CCDC171: variants seen among roughly 807,000 people sequenced by gnomAD.
The protein encoded by CCDC171 is coiled-coil domain containing 171, also known as coiled-coil domain-containing protein 171.
Under a neutral mutation model 168.2 loss-of-function variants are expected in CCDC171, and 177 were observed. The observed-to-expected ratio is 1.05, with a 90% confidence interval of 0.93 to 1.19. The LOEUF (loss-of-function observed/expected upper bound fraction) is 1.19, where lower values mean the gene tolerates loss of function less well. Ranked by LOEUF, CCDC171 falls within the 50% of genes most tolerant of loss-of-function variation. The pLI, the probability that CCDC171 is intolerant of heterozygous loss-of-function variation, is 0.00. For synonymous variants in CCDC171, 687 were observed against 540.8 expected, an observed-to-expected ratio of 1.27 and a Z score of -3.75; for missense variants, 1,991 against 1,539.0, an observed-to-expected ratio of 1.29 and a Z score of -4.91.
intron 3 of CCDC171, among the ~76,000 whole-genome samples, chr9:15,577,235 A>C (rs2040741873): frequency 6.6e-6 from 1 of 152,164 alleles, no homozygotes. Flanking sequence ...GTCACCATAA[A>C]AACTCGTTTT....
intron 7 of CCDC171, among the ~76,000 whole-genome samples, chr9:15,626,132 A>G (rs1020206459): frequency 6.6e-6 from 1 of 152,160 alleles, no homozygotes; most frequent in Non-Finnish European, 1.5e-5. Flanking sequence ...ATATTGGTGT[A>G]TAAGAATGCT....
At chr9:15,779,448 C>A (rs2135419729) in intron 20 of CCDC171, among the ~76,000 whole-genome samples, 1 of 152,120 alleles carries the variant, frequency 6.6e-6, no homozygotes, top group South Asian at 2.1e-4. Flanking sequence ...CAACCTCTGC[C>A]CCCCGGGTTC....
intron 3 of CCDC171, among the ~76,000 whole-genome samples, chr9:15,988,322 G>T (rs1220305044): frequency 6.6e-6 from 1 of 152,192 alleles, no homozygotes; most frequent in African/African-American, 2.4e-5. Context: ...GGACCAGGAA[G>T]TGAGTCCTCA....
intron 3 of CCDC171, among the ~76,000 whole-genome samples, chr9:16,005,464 G>C (rs1056920055): frequency 6.6e-6 from 1 of 152,158 alleles, no homozygotes. Context: ...TAAACATTCT[G>C]TGCAAGTTTT....
intron 6 of CCDC171, among the ~76,000 whole-genome samples, chr9:15,597,468 A>G (rs1344711812): frequency 6.6e-6 from 1 of 152,052 alleles, no homozygotes; most frequent in Non-Finnish European, 1.5e-5. Flanking sequence ...CATATGTTGA[A>G]CCAGCCTTGC....
chr9:15,708,516 G>A (rs1040491509), intron 11 of CCDC171, among the ~76,000 whole-genome samples: 1 of 152,090 alleles, frequency 6.6e-6, no homozygotes, highest in Non-Finnish European at 1.5e-5. Flanking sequence ...TACTGTGTAG[G>A]TGCTGCTTTC....
intron 21 of CCDC171, among the ~76,000 whole-genome samples, chr9:15,826,645 G>A (rs962358381): frequency 5.9e-5 from 9 of 152,122 alleles, no homozygotes; most frequent in African/African-American, 9.7e-5. Flanking sequence ...AGCTCAGCTA[G>A]GGTCTCTTGC....
rs16933761 is a variant in CCDC171 at position 15,896,676 on chromosome 9, G to C, written c.3600+22013G>C. On this transcript the variant is annotated intron_variant, in intron 24 of 25. Transcript: ENST00000380701. ...TGATACATTTGCTATCCTTATCAAT[G>C]TCACCATTATCACTAAAAAGCCCTT... Among the ~76,000 whole-genome samples the C allele has an allele frequency of 6.7e-4, 102 of 152,064 alleles. No individual in the cohort carries two copies. The East Asian group carries it at 0.019, about 28-fold the overall frequency.
At chr9:15,944,860 C>G (rs896812979) in intron 25 of CCDC171, among the ~76,000 whole-genome samples, 1 of 149,744 alleles carries the variant, frequency 6.7e-6, no homozygotes, top group Non-Finnish European at 1.5e-5. Flanking sequence ...TTCTTTCTTT[C>G]TTTCTTTCTT....
chr9:15,575,349 A>G (rs943590421), intron 3 of CCDC171, among the ~76,000 whole-genome samples: 1 of 151,548 alleles, frequency 6.6e-6, no homozygotes. Flanking sequence ...AATTTTTTGT[A>G]TTTTTATAGA....
intron 23 of CCDC171, among the ~76,000 whole-genome samples, chr9:15,849,321 AT>A (rs1427299825): frequency 6.6e-6 from 1 of 151,092 alleles, no homozygotes; most frequent in Non-Finnish European, 1.5e-5. Flanking sequence ...CTATATATAT[AT>A]GTATATAGAG....
At chr9:15,571,516 G>C (rs2040219696) in intron 2 of CCDC171, 108 bp from the exon 3 acceptor site, 2 of 876,372 alleles carry the variant, frequency 2.3e-6, no homozygotes, top group South Asian at 2.0e-5. Flanking sequence ...CAAGAACCAT[G>C]TCATGTTCTC....
intron 23 of CCDC171, among the ~76,000 whole-genome samples, chr9:15,852,382 G>C (rs1018624348): frequency 2.0e-5 from 3 of 151,734 alleles, no homozygotes; most frequent in South Asian, 4.2e-4. Context: ...TGTCTTCTCT[G>C]GAGAAATGTC....
At chr9:16,065,139 C>T (rs955770798), downstream of CCDC171, among the ~76,000 whole-genome samples, 1 of 152,210 alleles carries the variant, frequency 6.6e-6, no homozygotes, top group Non-Finnish European at 1.5e-5. Flanking sequence ...GCACCTTTCC[C>T]ATAGCCACTT....
At chr9:16,076,344 A>G in the CCDC171 span, among the ~76,000 whole-genome samples, 1 of 152,164 alleles carries the variant, frequency 6.6e-6, no homozygotes, top group Admixed American at 6.5e-5. Flanking sequence ...GGTTGGTTCC[A>G]CCATGTATTT....
At chr9:16,020,759 C>T (rs1013270934) in exon 4 of CCDC171, 5 of 154,274 alleles carry the variant, frequency 3.2e-5, no homozygotes, top group Non-Finnish European at 5.9e-5. Context: ...GGGATGGTGC[C>T]GGATAGTGTG....
At chr9:15,661,415 A>G (rs1157540211) in intron 8 of CCDC171, among the ~76,000 whole-genome samples, 1 of 152,160 alleles carries the variant, frequency 6.6e-6, no homozygotes, top group African/African-American at 2.4e-5. Flanking sequence ...CTGGGAATAT[A>G]TAGTTAATTA....
intron 21 of CCDC171, among the ~76,000 whole-genome samples, chr9:15,791,793 G>T (rs1446852215): frequency 1.3e-5 from 2 of 152,166 alleles, no homozygotes; most frequent in African/African-American, 2.4e-5. Context: ...CTAACAAACA[G>T]AAAGGACATC....
At chr9:15,975,087 A>G (rs1317626036), downstream of CCDC171, among the ~76,000 whole-genome samples, 1 of 152,112 alleles carries the variant, frequency 6.6e-6, no homozygotes, top group Non-Finnish European at 1.5e-5. Context: ...TTTTATAGAC[A>G]AGTTTTCTAA....
Sources: allele counts gnomAD v4.1 joint callset (sites outside exome capture counted in the v4.1 genomes callset), GRCh38; gene constraint gnomAD v4.1.1; transcripts MANE v1.5; gene names NCBI Gene and HGNC (gene_info 2026-07-23, HGNC 2026-07-21).